The following MET variants were observed in gnomAD, a reference collection of about 807,000 sequenced individuals.
MET encodes MET proto-oncogene, receptor tyrosine kinase.
A neutral mutation model predicts 133.1 loss-of-function variants in MET; 48 were observed. The observed-to-expected ratio is 0.36, with a 90% CI of 0.29 to 0.46. MET has a LOEUF of 0.46. MET is among the 20% of genes least tolerant of loss of function. The pLI is 1.00. For synonymous variants in MET, 628 were observed against 616.5 expected, an observed-to-expected ratio of 1.02 and a Z score of -0.28; for missense variants, 1,442 against 1,695.9, an observed-to-expected ratio of 0.85 and a Z score of 2.63.
At chr7:116,716,463 G>GAA (rs1792217401) in intron 2 of MET, among the ~76,000 whole-genome samples, 2 of 129,042 alleles carry the variant, frequency 1.5e-5, no homozygotes, top group East Asian at 2.2e-4. Flanking sequence ...AGAAAAGAAA[G>GAA]AAAGAGAAAG....
At position 116,700,170 on chromosome 7, in the gene MET, G is replaced by T; in HGVS notation, c.1086G>T (p.Met362Ile). The change falls in exon 2 of 21, where the codon ATG (methionine) becomes ATT (isoleucine). Residue 362 changes from methionine to isoleucine, a missense_variant. Around this residue, in one of 6 missense-constraint regions of MET, gnomAD observed 762 missense variants for 792.4 expected, o/e 0.96. Transcript: ENST00000397752. ...DSAEPMDRSAMCAFPIKYVND... is the reference protein window; with the variant it reads ...DSAEPMDRSAICAFPIKYVND... ...CCGAACCAATGGATCGATCTGCCAT[G>T]TGTGCATTCCCTATCAAATATGTCA... 1.9e-6 allele frequency: 3 copies of T among 1,595,500 alleles called. No individual in the cohort carries two copies. In the Middle Eastern group the frequency reaches 5.1e-4, roughly 269 times the overall value.
chr7:116,678,151 C>T (rs1257959133), intron 1 of MET, among the ~76,000 whole-genome samples: 3 of 152,144 alleles, frequency 2.0e-5, no homozygotes, highest in Non-Finnish European at 4.4e-5. Context: ...AATAAAAGCT[C>T]ACAGGTTGTG....
At chr7:116,734,379 G>A (rs1256995654) in intron 3 of MET, among the ~76,000 whole-genome samples, 1 of 152,182 alleles carries the variant, frequency 6.6e-6, no homozygotes, top group Non-Finnish European at 1.5e-5. Flanking sequence ...TTGTGCTTAT[G>A]TTCAGCTCTG....
intron 11 of MET, 153 bp downstream of exon 11, chr7:116,763,421 C>A: frequency 2.7e-6 from 2 of 740,248 alleles, no homozygotes; most frequent in Non-Finnish European, 4.6e-6. Flanking sequence ...TGGCATAAAA[C>A]TAAAAGATAA....
intron 2 of MET, among the ~76,000 whole-genome samples, chr7:116,712,365 C>G (rs921278710): frequency 1.3e-5 from 2 of 152,196 alleles, no homozygotes; most frequent in Non-Finnish European, 2.9e-5. Flanking sequence ...TTATCACACT[C>G]CGTGGTAATG....
Position 116,672,331 on chromosome 7 carries a change from G to T in MET, c.-261G>T, listed in dbSNP as rs1796001741. Reference sequence around the variant, plus strand: ...GTCACTGGCAGGGCAGCGCGCGTGTGGGAAGGGGCGGAGGGAGTGCGGCCG... The same window carrying T: ...GTCACTGGCAGGGCAGCGCGCGTGTTGGAAGGGGCGGAGGGAGTGCGGCCG... On this transcript the variant is annotated 5_prime_UTR_variant, in exon 1 of 21. Transcript: ENST00000397752. 3.4e-6 allele frequency: 1 copy of T among 294,436 alleles called. No homozygotes were observed. Among genetic ancestry groups the T allele is most frequent in the South Asian group, 1.5e-4 (1 of 6,570 alleles). 18.2% of individuals were successfully genotyped at this position (294,436 alleles called of 1,614,324 possible). A position where few individuals can be genotyped will look rare whatever the true frequency, so the allele number is the denominator to read the frequency against.
At chr7:116,772,925 C>A (rs180773571) in intron 14 of MET, among the ~76,000 whole-genome samples, 1 of 152,016 alleles carries the variant, frequency 6.6e-6, no homozygotes, top group Non-Finnish European at 1.5e-5. Flanking sequence ...TTCGTTTAAC[C>A]GTGTGGAAAA....
Position 116,797,181 on chromosome 7 carries a change from A to T in MET, c.*1057A>T, listed in dbSNP as rs1272404368. 4.9e-6 allele frequency: 1 copy of T among 203,862 alleles called. No homozygotes were observed. Among genetic ancestry groups the T allele is most frequent in the Non-Finnish European group, 1.0e-5 (1 of 99,488 alleles). The allele number at this position is 203,862 out of a possible 1,614,324, so 12.6% of individuals were successfully genotyped here. ...AGATGTTTTGTGTGTATTTTTTTAA[A>T]TGAAAACTCAAAATAAGACAAGTAA... is the stretch of plus-strand genomic sequence containing the variant. On this transcript the variant is annotated 3_prime_UTR_variant, in exon 21 of 21. Transcript: ENST00000397752.
rs144121012 is a variant in MET, at chr7:116,747,709, C to A, written c.1701+6684C>A. 2.9e-3 allele frequency among the ~76,000 whole-genome samples: 448 copies of A among 152,258 alleles called. 2 individuals carry two copies. Among genetic ancestry groups the A allele is most frequent in the African/African-American group, 0.01 (428 of 41,554 alleles). On this transcript the variant is annotated intron_variant, in intron 5 of 20. Coordinates refer to ENST00000397752, the MANE Select transcript of MET (RefSeq NM_000245.4). ...TTAACACCCCACTATCAACATCAGA[C>A]AGATCAAGGAGACAGAAAGTTAACA...
At position 116,741,906 on chromosome 7, in the gene MET, C is replaced by T. The variant is rs563907136; in HGVS notation, c.1701+881C>T. On this transcript the variant is annotated intron_variant, in intron 5 of 20. Coordinates refer to ENST00000397752, the MANE Select transcript of MET (RefSeq NM_000245.4). ...TGGCAATGGACATTGGCTCTAACAT[C>T]GCAGCCATGCTAACTGTGTTGCCTT... is the stretch of plus-strand genomic sequence containing the variant. Among the ~76,000 whole-genome samples, 5 of 152,214 alleles carry T rather than the reference C, an allele frequency of 3.3e-5. 1 individual carries two copies. The highest frequency in any genetic ancestry group is 2.1e-4 in the South Asian group (1 of 4,832).
intron 2 of MET, among the ~76,000 whole-genome samples, chr7:116,706,897 T>C (rs1004880414): frequency 6.6e-6 from 1 of 151,812 alleles, no homozygotes; most frequent in Non-Finnish European, 1.5e-5. Flanking sequence ...GATTTTTTTT[T>C]TTTTTTTTTT....
At chr7:116,787,263 A>G (rs1795341961) in intron 19 of MET, among the ~76,000 whole-genome samples, 1 of 152,230 alleles carries the variant, frequency 6.6e-6, no homozygotes, top group African/African-American at 2.4e-5. Flanking sequence ...GAATTAACCC[A>G]TCCTCCAAGA....
At chr7:116,703,033 T>C (rs201825443) in intron 2 of MET, among the ~76,000 whole-genome samples, 1 of 152,198 alleles carries the variant, frequency 6.6e-6, no homozygotes, top group Non-Finnish European at 1.5e-5. Context: ...TCTTCTCATA[T>C]TGATGACATC....
chr7:116,676,004 T>C (rs915343529), intron 1 of MET, among the ~76,000 whole-genome samples: 1 of 152,220 alleles, frequency 6.6e-6, no homozygotes, highest in African/African-American at 2.4e-5. Flanking sequence ...TCTGACTACT[T>C]TGCTTTTCAT....
intron 2 of MET, among the ~76,000 whole-genome samples, chr7:116,704,097 C>T (rs1406618410): frequency 1.3e-5 from 2 of 152,092 alleles, no homozygotes; most frequent in Non-Finnish European, 2.9e-5. Context: ...TCCTGGTTTA[C>T]TGCATACCAA....
intron 14 of MET, among the ~76,000 whole-genome samples, chr7:116,774,601 A>C (rs529559092): frequency 6.6e-5 from 10 of 152,236 alleles, no homozygotes; most frequent in Non-Finnish European, 1.2e-4. Flanking sequence ...TTAAGGACAT[A>C]GTATATTCAA....
chr7:116,680,355 A>G lies in MET; in HGVS notation c.-15+7778A>G, dbSNP rs149121111. ...ACATGACTTTTAAAATTCCAATGTA[A>G]AGGTCTCACAACTTGAAAAATGAAT... On this transcript the variant is annotated intron_variant, in intron 1 of 20. Coordinates refer to ENST00000397752, the MANE Select transcript of MET (RefSeq NM_000245.4). Among the ~76,000 whole-genome samples the G allele has an allele frequency of 2.6e-3, 400 of 152,334 alleles. 1 individual carries two copies. Among genetic ancestry groups the G allele is most frequent in the African/African-American group, 8.8e-3 (364 of 41,572 alleles).
chr7:116,718,069 A>C (rs979576435), intron 2 of MET, among the ~76,000 whole-genome samples: 2 of 152,192 alleles, frequency 1.3e-5, no homozygotes, highest in Non-Finnish European at 2.9e-5. Context: ...CTAAGGAAGC[A>C]AGTTTGCAAC....
At chr7:116,688,204 AT>A (rs1160061759) in intron 1 of MET, among the ~76,000 whole-genome samples, 1 of 151,850 alleles carries the variant, frequency 6.6e-6, no homozygotes, top group Non-Finnish European at 1.5e-5. Context: ...CAGTATTTGA[AT>A]GCAACTGGCA....
Sources: allele counts gnomAD v4.1 joint callset (sites outside exome capture counted in the v4.1 genomes callset), GRCh38; gene constraint gnomAD v4.1.1; regional missense constraint gnomAD v4.1.1; transcripts MANE v1.5; gene names NCBI Gene and HGNC (gene_info 2026-07-23, HGNC 2026-07-21).